DDX23: variants seen among roughly 807,000 people sequenced by gnomAD.
The protein encoded by DDX23 is probable ATP-dependent RNA helicase DDX23.
DDX23 carries 33 observed loss-of-function variants against 102.7 expected under a neutral mutation model. That is an observed-to-expected ratio of 0.32 (90% confidence interval 0.24 to 0.43). The LOEUF is 0.43. Among genes scored for constraint, DDX23 ranks in the 20% least tolerant of loss-of-function variants. The pLI is 1.00. For missense variants in DDX23, 549 were observed against 1,086.6 expected (o/e 0.51, Z 6.96); for synonymous variants, 352 against 376.0 (o/e 0.94, Z 0.74).
At chr12:48,844,722 C>G (rs1340066077) in intron 2 of DDX23, among the ~76,000 whole-genome samples, 1 of 151,208 alleles carries the variant, frequency 6.6e-6, no homozygotes, top group East Asian at 2.0e-4. Flanking sequence ...CCACCTGCCT[C>G]GGCCTCCCAA....
Position 48,837,888 on chromosome 12 carries a change from T to A in DDX23, c.619+54A>T, listed in dbSNP as rs1938487360. 3.7e-6 allele frequency: 6 copies of A among 1,609,488 alleles called. No homozygotes were observed. In the South Asian group the frequency reaches 6.6e-5, roughly 18 times the overall value. On this transcript the variant is annotated intron_variant, in intron 6 of 16. Transcript: ENST00000308025. Reference sequence around the variant, plus strand: ...TATCTCTCCTAAGAGACACTGTATCTCATCCCACTCTTTCCTCTTCCATCT... The same window carrying A: ...TATCTCTCCTAAGAGACACTGTATCACATCCCACTCTTTCCTCTTCCATCT...
chr12:48,843,296 A>T (rs1229203497), intron 3 of DDX23, among the ~76,000 whole-genome samples: 3 of 135,558 alleles, frequency 2.2e-5, no homozygotes, highest in Non-Finnish European at 3.1e-5. Context: ...ATGATCAATT[A>T]AAAAAAAAAA....
chr12:48,834,817 C>T, intron 11 of DDX23: 1 of 221,224 alleles, frequency 4.5e-6, no homozygotes, highest in South Asian at 6.6e-5. Context: ...GCCTGTAATA[C>T]CAGCTACTCG....
chr12:48,834,244 TATTCCA>T, intron 12 of DDX23, 70 bp downstream of exon 12: 1 of 1,424,458 alleles, frequency 7.0e-7, no homozygotes, highest in Non-Finnish European at 9.6e-7. Context: ...ACTGCACATA[TATTCCA>T]GAAACTAGAA....
At chr12:48,847,482 T>A (rs2137496947) in intron 1 of DDX23, 1 of 145,888 alleles carries the variant, frequency 6.9e-6, no homozygotes, top group East Asian at 2.0e-4. Flanking sequence ...ACCACTGCAC[T>A]CCAGCCTGGC....
chr12:48,843,943 G>C lies in DDX23; in HGVS notation c.317C>G (p.Ser106Cys). 1 of 1,613,980 alleles carries C rather than the reference G, an allele frequency of 6.2e-7. No homozygotes were observed. Among genetic ancestry groups the C allele is most frequent in the Non-Finnish European group, 8.5e-7 (1 of 1,179,948 alleles). The change falls in exon 3 of 17, where the codon TCC (serine) becomes TGC (cysteine). Residue 106 changes from serine (S) to cysteine (C), a missense_variant. Coordinates refer to ENST00000308025, the MANE Select transcript of DDX23 (RefSeq NM_004818.3). ...CCCCTCTCATTCCTTCATGTACCTGGATCGTTTACGGTCCTTGTCCCGTCT... is the reference window on the plus strand; with the variant it reads ...CCCCTCTCATTCCTTCATGTACCTGCATCGTTTACGGTCCTTGTCCCGTCT... The part of the protein sequence containing the change: ...GHRRDKDRKR[S>C]SLSPGRGKDF...
chr12:48,833,182 G>A (rs911977130), intron 13 of DDX23, 95 bp downstream of exon 13: 4 of 1,544,410 alleles, frequency 2.6e-6, no homozygotes, highest in Admixed American at 3.8e-5. Context: ...ACGGAGTTTC[G>A]CCATGTTGCC....
intron 6 of DDX23, 75 bp from the exon 7 acceptor site, chr12:48,837,732 C>G (rs1046500642): frequency 3.2e-5 from 51 of 1,581,730 alleles, no homozygotes; most frequent in African/African-American, 5.5e-5. Context: ...GGAATCCAGA[C>G]GAGGAACCCC....
intron 6 of DDX23, 37 bp downstream of exon 6, chr12:48,837,905 C>G: frequency 6.2e-7 from 1 of 1,611,594 alleles, no homozygotes; most frequent in Non-Finnish European, 8.5e-7. Flanking sequence ...ACTCTTTCCT[C>G]TTCCATCTAG....
Position 48,846,781 on chromosome 12 carries a change from T to C in DDX23, c.1-999A>G, listed in dbSNP as rs17123351. 5.2e-3 allele frequency among the ~76,000 whole-genome samples: 790 copies of C among 152,310 alleles called. 11 individuals are homozygous for C. The highest frequency in any genetic ancestry group is 0.018 in the African/African-American group (742 of 41,564). On this transcript the variant is annotated intron_variant, in intron 1 of 16. Coordinates refer to ENST00000308025, the MANE Select transcript of DDX23 (RefSeq NM_004818.3). ...TTCCCTATTCAGATTTTCACAACCT[T>C]GGTCATCTGCATAACCCAGTTTTGT...
At chr12:48,840,230 T>G in intron 3 of DDX23, 124 bp from the exon 4 acceptor site, 2 of 789,636 alleles carry the variant, frequency 2.5e-6, no homozygotes, top group Non-Finnish European at 4.5e-6. Flanking sequence ...CATGGTCATC[T>G]ATCATGTCTT....
intron 1 of DDX23, among the ~76,000 whole-genome samples, chr12:48,849,946 C>G (rs1302749646): frequency 6.6e-6 from 1 of 152,182 alleles, no homozygotes; most frequent in African/African-American, 2.4e-5. Context: ...AGGAGGAATA[C>G]TGATTCAGGA....
At chr12:48,837,173 T>C in intron 8 of DDX23, 108 bp downstream of exon 8, 2 of 1,542,816 alleles carry the variant, frequency 1.3e-6, no homozygotes, top group Non-Finnish European at 1.8e-6. Context: ...ACTACCAGTC[T>C]ACCAATTTTC....
chr12:48,830,457 A>AAGAGTGC lies in DDX23; in HGVS notation c.*5_*11dup, dbSNP rs1165017824. ...TTTGGAGATGCCCTCAGCCCACAGG[A>AAGAGTGC]AGAGTGCTGTGTCAGGCAAAGATGG... On this transcript the variant is annotated 3_prime_UTR_variant, in exon 17 of 17. Coordinates refer to ENST00000308025, the MANE Select transcript of DDX23 (RefSeq NM_004818.3). This position sits in a 1 kb window ranked among gnomAD's most constrained non-coding sequence, Gnocchi z 4.9. The AAGAGTGC allele has an allele frequency of 3.1e-6, 5 of 1,613,754 alleles. No homozygotes were observed. Among genetic ancestry groups the AAGAGTGC allele is most frequent in the Non-Finnish European group, 4.2e-6 (5 of 1,179,878 alleles).
chr12:48,842,508 GC>G (rs1488977994), intron 3 of DDX23, among the ~76,000 whole-genome samples: 1 of 128,688 alleles, frequency 7.8e-6, no homozygotes. Context: ...GGGGGGGTCA[GC>G]CCCCCGCCCG....
chr12:48,844,407 T>G (rs1938627173), intron 2 of DDX23, among the ~76,000 whole-genome samples: 2 of 151,976 alleles, frequency 1.3e-5, no homozygotes, highest in Admixed American at 6.6e-5. Flanking sequence ...GCCTCCCGAG[T>G]AGCTGGGATT....
At chr12:48,839,669 A>AG (rs1478036232) in intron 5 of DDX23, 175 bp downstream of exon 5, 2 of 612,702 alleles carry the variant, frequency 3.3e-6, no homozygotes, top group Non-Finnish European at 5.7e-6. Context: ...GGAAGAAGAC[A>AG]GCCTTATAAG....
chr12:48,831,464 A>G (rs1003039001), intron 15 of DDX23, 148 bp from the exon 16 acceptor site: 3 of 786,844 alleles, frequency 3.8e-6, no homozygotes, highest in Non-Finnish European at 6.3e-6. Flanking sequence ...ATTGCAGTGA[A>G]AGAAGGAGAG....
chr12:48,849,060 C>G (rs1938715801), intron 1 of DDX23, among the ~76,000 whole-genome samples: 1 of 151,864 alleles, frequency 6.6e-6, no homozygotes, highest in Non-Finnish European at 1.5e-5. Context: ...CCAACTAATT[C>G]TTAAAATTTT....
Sources: allele counts gnomAD v4.1 joint callset (sites outside exome capture counted in the v4.1 genomes callset), GRCh38; gene constraint gnomAD v4.1.1; non-coding constraint Gnocchi (gnomAD v3.1); transcripts MANE v1.5; gene names NCBI Gene and HGNC (gene_info 2026-07-23, HGNC 2026-07-21).